The following LMAN2 variants were observed in gnomAD, a reference collection of about 807,000 sequenced individuals.
LMAN2 encodes the protein lectin, mannose binding 2, also known as vesicular integral-membrane protein VIP36.
In LMAN2, 22 loss-of-function variants were observed where a neutral mutation model predicts 39.3. The ratio of observed to expected loss-of-function variants is 0.56; its 90% CI spans 0.40 to 0.80. The LOEUF is 0.80. LMAN2 is among the 30% of genes least tolerant of loss of function. LMAN2 has a pLI of 0.00. For missense variants in LMAN2, 494 were observed against 505.4 expected, an observed-to-expected ratio of 0.98 and a Z score of 0.22; for synonymous variants, 207 against 207.8, an observed-to-expected ratio of 1.00 and a Z score of 0.03.
At chr5:177,339,449 G>A (rs1197449893) in intron 2 of LMAN2, among the ~76,000 whole-genome samples, 1 of 152,244 alleles carries the variant, frequency 6.6e-6, no homozygotes, top group African/African-American at 2.4e-5. Flanking sequence ...ACCACCATGT[G>A]AGCTGGGGCA....
chr5:177,341,800 A>G (rs951302022), intron 2 of LMAN2, among the ~76,000 whole-genome samples: 3 of 152,362 alleles, frequency 2.0e-5, no homozygotes, highest in Non-Finnish European at 4.4e-5. Flanking sequence ...ATTAAAACAA[A>G]TGACAACAAT....
At position 177,337,819 on chromosome 5, in the gene LMAN2, G is replaced by A; in HGVS notation, c.434-34C>T. On this transcript the variant is annotated intron_variant, in intron 3 of 7. Coordinates refer to ENST00000303127, the MANE Select transcript of LMAN2 (RefSeq NM_006816.3). The surrounding 1 kb of genome is among the most constrained non-coding windows in gnomAD (Gnocchi z 8.2). ...ATAAGCAGATGCTCTCAGAATGGGA[G>A]AAACAGGAGCCGTCCCATGGGTACC... The A allele has an allele frequency of 1.9e-6, 3 of 1,599,490 alleles. No homozygotes were observed. Among genetic ancestry groups the A allele is most frequent in the Non-Finnish European group, 1.7e-6 (2 of 1,169,072 alleles).
chr5:177,351,152 A>C (rs949362943), intron 2 of LMAN2, 21 bp downstream of exon 2: 1 of 1,609,252 alleles, frequency 6.2e-7, no homozygotes, highest in Non-Finnish European at 8.5e-7. Flanking sequence ...CAGTACGCCT[A>C]TCCTCTTGAG....
intron 2 of LMAN2, among the ~76,000 whole-genome samples, chr5:177,343,147 C>T (rs1018387609): frequency 6.6e-6 from 1 of 151,790 alleles, no homozygotes; most frequent in Non-Finnish European, 1.5e-5. Flanking sequence ...CCCAGCTATT[C>T]GGGAGGCTGA....
intron 7 of LMAN2, among the ~76,000 whole-genome samples, chr5:177,333,806 T>G (rs1761428506): frequency 6.6e-6 from 1 of 152,132 alleles, no homozygotes; most frequent in Non-Finnish European, 1.5e-5. Context: ...CCAATCTTGC[T>G]CTCTCTCTCC....
intron 2 of LMAN2, among the ~76,000 whole-genome samples, chr5:177,347,805 C>T (rs1761656971): frequency 6.6e-6 from 1 of 152,140 alleles, no homozygotes; most frequent in Non-Finnish European, 1.5e-5. Context: ...TCAAAATATT[C>T]AGTGATGCTG....
chr5:177,342,922 A>G (rs1446467798), intron 2 of LMAN2, among the ~76,000 whole-genome samples: 5 of 152,142 alleles, frequency 3.3e-5, no homozygotes, highest in African/African-American at 1.2e-4. Context: ...ATATTTGCAA[A>G]TCACATATCT....
intron 7 of LMAN2, among the ~76,000 whole-genome samples, chr5:177,333,338 G>C (rs926338205): frequency 6.6e-6 from 1 of 152,340 alleles, no homozygotes; most frequent in Admixed American, 6.5e-5. Flanking sequence ...CAAATGGATT[G>C]AATCTAAAAA....
rs962089616 is a variant in LMAN2 at position 177,334,352 on chromosome 5, G to A, written c.842C>T (p.Thr281Met). Residue 281 changes from threonine to methionine, a missense_variant, in exon 7 of 8, where the codon ACG (threonine) becomes ATG (methionine). Physicochemically the swap from Thr to Met is moderately conservative, Grantham distance 81 (BLOSUM62 -1). Transcript: ENST00000303127. ...MKLFQLMVEH[T>M]PDEESIDWTK... ...CCAGTCGATGCTCTCCTCGTCGGGCGTGTGCTCCACCATCAGCTGGAACAG... is the reference window on the plus strand; with the variant it reads ...CCAGTCGATGCTCTCCTCGTCGGGCATGTGCTCCACCATCAGCTGGAACAG... 20 of 1,613,514 alleles carry A rather than the reference G, an allele frequency of 1.2e-5. No homozygotes were observed. The highest frequency in any genetic ancestry group is 1.5e-5 in the Non-Finnish European group (18 of 1,179,998).
chr5:177,347,568 C>T (rs1407205549), intron 2 of LMAN2, among the ~76,000 whole-genome samples: 3 of 152,170 alleles, frequency 2.0e-5, no homozygotes, highest in Non-Finnish European at 2.9e-5. Context: ...TCTTAACCCA[C>T]AGCAAACCCA....
chr5:177,340,375 G>A (rs1219812123), intron 2 of LMAN2, among the ~76,000 whole-genome samples: 4 of 152,130 alleles, frequency 2.6e-5, no homozygotes, highest in Non-Finnish European at 4.4e-5. Flanking sequence ...TACATGTGCA[G>A]GTTACATGGG....
chr5:177,346,418 ATATT>A, intron 2 of LMAN2: 2 of 644,554 alleles, frequency 3.1e-6, no homozygotes, highest in Non-Finnish European at 4.4e-6. Flanking sequence ...ACCATTGCAG[ATATT>A]TAAAGTTGAC....
chr5:177,332,248 T>C lies in LMAN2; in HGVS notation c.911-2A>G. 1 of 1,611,640 alleles carries C rather than the reference T, an allele frequency of 6.2e-7. No individual in the cohort carries two copies. Among genetic ancestry groups the C allele is most frequent in the Non-Finnish European group, 8.5e-7 (1 of 1,179,382 alleles). ...TCCCCGTGGGGTCGTCCACGTTGTC[T>C]GGGGGAGAAGAAACGGGGGAGCTGA... On this transcript the variant is annotated splice_acceptor_variant, in intron 7 of 7. Transcript: ENST00000303127. LOFTEE classifies it high-confidence loss of function. This position sits in a 1 kb window ranked among gnomAD's most constrained non-coding sequence, Gnocchi z 6.3.
At chr5:177,334,580 A>G in intron 6 of LMAN2, 177 bp from the exon 7 acceptor site, 1 of 715,618 alleles carries the variant, frequency 1.4e-6, no homozygotes, top group Admixed American at 3.4e-5. Context: ...AGTCACCAGC[A>G]ATAAAAAAGA....
At chr5:177,347,651 G>A (rs1030404148) in intron 2 of LMAN2, among the ~76,000 whole-genome samples, 4 of 152,164 alleles carry the variant, frequency 2.6e-5, no homozygotes, top group African/African-American at 9.7e-5. Context: ...CTGGCAATAA[G>A]AGGCTATTTT....
At position 177,351,618 on chromosome 5, in the gene LMAN2, C is replaced by A. The variant is rs760356468; in HGVS notation, c.30G>T (p.Trp10Cys). 2 of 1,601,138 alleles carry A rather than the reference C, an allele frequency of 1.2e-6. No homozygotes were observed. The highest frequency in any genetic ancestry group is 2.2e-5 in the East Asian group (1 of 44,772). The change falls in exon 1 of 8, where the codon TGG (tryptophan) becomes TGT (cysteine). Residue 10 changes from tryptophan (W) to cysteine (C), a missense_variant. Trp to Cys is a radical substitution (Grantham distance 215). Coordinates refer to ENST00000303127, the MANE Select transcript of LMAN2 (RefSeq NM_006816.3). MAAEGWIWR[W>C]GWGRRCLGRP... ...TTCCCAGGCACCGCCGGCCCCAGCC[C>A]CAACGCCAAATCCAGCCTTCCGCCG...
intron 2 of LMAN2, among the ~76,000 whole-genome samples, chr5:177,350,723 G>A (rs1761709449): frequency 6.6e-6 from 1 of 152,228 alleles, no homozygotes; most frequent in Non-Finnish European, 1.5e-5. Flanking sequence ...CAAACAGCTT[G>A]TTTGAAAATT....
At position 177,337,528 on chromosome 5, in the gene LMAN2, G is replaced by T; in HGVS notation, c.514-4C>A. The T allele has an allele frequency of 6.2e-7, 1 of 1,613,512 alleles. No individual in the cohort carries two copies. The highest frequency in any genetic ancestry group is 2.2e-5 in the East Asian group (1 of 44,868). On this transcript the variant is annotated splice_polypyrimidine_tract_variant and splice_region_variant and intron_variant, in intron 4 of 7. Transcript: ENST00000303127. The surrounding 1 kb of genome is among the most constrained non-coding windows in gnomAD (Gnocchi z 8.2). ...CCGAGATGTACGGGAACACGCGCTG[G>T]GACCAAGACATCGGTTACTCCACAA...
intron 2 of LMAN2, among the ~76,000 whole-genome samples, chr5:177,344,923 G>A (rs1761611860): frequency 6.8e-6 from 1 of 146,854 alleles, no homozygotes; most frequent in South Asian, 2.1e-4. Flanking sequence ...GAAAAGAAAA[G>A]AAAAGAAGAG....
Sources: gnomAD v4.1 joint callset for allele counts (sites outside exome capture counted in the v4.1 genomes callset) on GRCh38, gnomAD v4.1.1 for gene constraint, Gnocchi (gnomAD v3.1) non-coding constraint, MANE v1.5 for transcripts, NCBI Gene and HGNC (gene_info 2026-07-23, HGNC 2026-07-21) for gene names.